The following NECTIN3 variants were observed in gnomAD, a reference collection of about 807,000 sequenced individuals.
NECTIN3 encodes nectin cell adhesion molecule 3.
In NECTIN3, 8 loss-of-function variants were observed where a neutral mutation model predicts 49.4. The ratio of observed to expected loss-of-function variants is 0.16; its 90% CI spans 0.10 to 0.29. The LOEUF is 0.29. NECTIN3 is among the 10% of genes least tolerant of loss of function. The pLI, the probability that NECTIN3 is intolerant of heterozygous loss-of-function variation, is 1.00. For missense variants in NECTIN3, 581 were observed against 654.6 expected (o/e 0.89, Z 1.23); for synonymous variants, 277 against 241.1 (o/e 1.15, Z -1.38).
At chr3:111,122,566 C>T (rs1004642986) in intron 4 of NECTIN3, among the ~76,000 whole-genome samples, 25 of 152,134 alleles carry the variant, frequency 1.6e-4, no homozygotes, top group Non-Finnish European at 3.1e-4. Flanking sequence ...CATTTACAAA[C>T]ACACCCATAT....
chr3:111,100,888 C>G (rs1297273522), intron 1 of NECTIN3, among the ~76,000 whole-genome samples: 1 of 152,072 alleles, frequency 6.6e-6, no homozygotes, highest in Non-Finnish European at 1.5e-5. Context: ...CAATACCTCT[C>G]TAACTTTGTA....
At chr3:111,074,382 A>G in intron 1 of NECTIN3, 1 of 351,936 alleles carries the variant, frequency 2.8e-6, no homozygotes, top group East Asian at 7.8e-5. Flanking sequence ...TTAGAGTTGA[A>G]AAGATTTTTA....
intron 4 of NECTIN3, among the ~76,000 whole-genome samples, chr3:111,124,379 G>A (rs1408918198): frequency 6.6e-6 from 1 of 152,102 alleles, no homozygotes; most frequent in Non-Finnish European, 1.5e-5. Context: ...AGATGCTTTT[G>A]TTGTAGGTTT....
At chr3:111,098,557 C>A (rs1053944158) in intron 1 of NECTIN3, among the ~76,000 whole-genome samples, 1 of 152,128 alleles carries the variant, frequency 6.6e-6, no homozygotes, top group African/African-American at 2.4e-5. Flanking sequence ...TGTGTATTTT[C>A]TGTAAGGACA....
At chr3:111,117,080 A>G (rs1217634786) in intron 2 of NECTIN3, among the ~76,000 whole-genome samples, 1 of 152,126 alleles carries the variant, frequency 6.6e-6, no homozygotes, top group African/African-American at 2.4e-5. Flanking sequence ...GTAAACTATA[A>G]AGCAATTAAA....
At chr3:111,098,922 T>C (rs1056771841) in intron 1 of NECTIN3, among the ~76,000 whole-genome samples, 9 of 143,318 alleles carry the variant, frequency 6.3e-5, no homozygotes, top group African/African-American at 2.6e-4. Context: ...TAAATAAACG[T>C]TAGTTTAAAA....
Position 111,112,181 on chromosome 3 carries a change from T to A in NECTIN3, c.312T>A (p.Val104=). 6.2e-7 allele frequency: 1 copy of A among 1,613,940 alleles called. No homozygotes were observed. The highest frequency in any genetic ancestry group is 1.1e-5 in the South Asian group (1 of 91,070). ...GCAAAAGTTCACAGACTGTTGCAGT[T>A]CACCATCCCCAATATGGATTCTCTG... is the stretch of plus-strand genomic sequence containing the variant. ...IHGKSSQTVA[V]HHPQYGFSVQ... The change falls in exon 2 of 6, where the codon GTT becomes GTA. Residue 104 remains valine, a synonymous_variant. Coordinates refer to ENST00000485303, the MANE Select transcript of NECTIN3 (RefSeq NM_015480.3).
chr3:111,150,483 G>C (rs1406006940), intron 7 of NECTIN3, among the ~76,000 whole-genome samples: 1 of 151,904 alleles, frequency 6.6e-6, no homozygotes, highest in Non-Finnish European at 1.5e-5. Flanking sequence ...ATTTGTGTAT[G>C]TGTGTGTAAT....
intron 1 of NECTIN3, among the ~76,000 whole-genome samples, chr3:111,097,476 A>G (rs935720927): frequency 6.6e-6 from 1 of 152,258 alleles, no homozygotes; most frequent in East Asian, 1.9e-4. Context: ...ATGTGAGGAC[A>G]TGAGATTTGG....
chr3:111,121,672 A>G (rs1478898680), intron 3 of NECTIN3, among the ~76,000 whole-genome samples: 3 of 152,138 alleles, frequency 2.0e-5, no homozygotes, highest in Non-Finnish European at 2.9e-5. Context: ...CTCTTAGAAG[A>G]TATTTCCTTT....
chr3:111,193,483 C>T lies in NECTIN3; in HGVS notation c.63+1070C>T. 4.8e-6 allele frequency: 6 copies of T among 1,253,010 alleles called. No homozygotes were observed. The South Asian group carries it at 9.1e-5, about 19-fold the overall frequency. 77.6% of individuals were successfully genotyped at this position (1,253,010 alleles called of 1,614,324 possible). On this transcript the variant is annotated intron_variant, in intron 1 of 1. Transcript: ENST00000485506. ...TTACTGTCTCTCATATAAGAACAGT[C>T]CCACTCTAAGGGTATTGGAAGTCTT...
intron 7 of NECTIN3, among the ~76,000 whole-genome samples, chr3:111,159,473 G>GT (rs942841365): frequency 3.3e-5 from 5 of 152,014 alleles, no homozygotes; most frequent in East Asian, 1.9e-4. Context: ...CCACTATATA[G>GT]TTTTTTTTGT....
chr3:111,135,054 A>G lies in NECTIN3; in HGVS notation c.*839A>G, dbSNP rs952136325. Reference sequence around the variant, plus strand: ...TTTTAATGCTTTATGTCCTAAACATACTAATAGAAATGAAAAGACGCAGAG... The same window carrying G: ...TTTTAATGCTTTATGTCCTAAACATGCTAATAGAAATGAAAAGACGCAGAG... On this transcript the variant is annotated 3_prime_UTR_variant, in exon 6 of 6. Transcript: ENST00000485303. 6.1e-6 allele frequency: 6 copies of G among 981,754 alleles called. No homozygotes were observed. The highest frequency in any genetic ancestry group is 6.0e-6 in the Non-Finnish European group (5 of 826,942). 60.8% of individuals were successfully genotyped at this position (981,754 alleles called of 1,614,324 possible).
rs1048761153 is a variant in NECTIN3 at position 111,125,824 on chromosome 3, G to T, written c.918-360G>T. 2.0e-5 allele frequency among the ~76,000 whole-genome samples: 3 copies of T among 152,038 alleles called. No individual in the cohort carries two copies. The East Asian group carries it at 5.8e-4, about 29-fold the overall frequency. ...CATGAATGGATCTCTGATTCAATGAGAATTTTATTTGATATTGTATGTATG... is the reference window on the plus strand; with the variant it reads ...CATGAATGGATCTCTGATTCAATGATAATTTTATTTGATATTGTATGTATG... On this transcript the variant is annotated intron_variant, in intron 4 of 5. Coordinates refer to ENST00000485303, the MANE Select transcript of NECTIN3 (RefSeq NM_015480.3).
At chr3:111,111,587 T>C (rs1176051590) in intron 1 of NECTIN3, among the ~76,000 whole-genome samples, 3 of 152,186 alleles carry the variant, frequency 2.0e-5, no homozygotes, top group Non-Finnish European at 2.9e-5. Flanking sequence ...TCTCAGTTTC[T>C]GTGTGCCAGG....
intron 7 of NECTIN3, among the ~76,000 whole-genome samples, chr3:111,150,172 T>C (rs527642647): frequency 3.3e-5 from 5 of 152,024 alleles, no homozygotes; most frequent in Non-Finnish European, 7.4e-5. Flanking sequence ...TTTATTTGAC[T>C]CTACTGAGAA....
chr3:111,123,735 G>A (rs1185893348), intron 4 of NECTIN3, among the ~76,000 whole-genome samples: 1 of 151,974 alleles, frequency 6.6e-6, no homozygotes, highest in Non-Finnish European at 1.5e-5. Flanking sequence ...GGACCAAATT[G>A]GCTGCTTTCT....
chr3:111,122,812 G>T (rs192883041), intron 4 of NECTIN3, among the ~76,000 whole-genome samples: 4 of 152,068 alleles, frequency 2.6e-5, no homozygotes, highest in Non-Finnish European at 4.4e-5. Flanking sequence ...ATTTCAAACT[G>T]TTATACCAAG....
chr3:111,141,064 T>A (rs1039237356), downstream of NECTIN3, among the ~76,000 whole-genome samples: 3 of 151,908 alleles, frequency 2.0e-5, no homozygotes, highest in African/African-American at 7.2e-5. Context: ...ACATACTAGG[T>A]GCTTGGGGTA....
Sources: allele counts gnomAD v4.1 joint callset (sites outside exome capture counted in the v4.1 genomes callset), GRCh38; gene constraint gnomAD v4.1.1; transcripts MANE v1.5; gene names NCBI Gene and HGNC (gene_info 2026-07-23, HGNC 2026-07-21).